The following ZFYVE28 variants were observed in gnomAD, a reference collection of about 807,000 sequenced individuals.
ZFYVE28 encodes zinc finger FYVE-type containing 28, also known as lateral signaling target protein 2 homolog.
In ZFYVE28, 40 loss-of-function variants were observed where a neutral mutation model predicts 82.1. The ratio of observed to expected loss-of-function variants is 0.49; its 90% confidence interval spans 0.38 to 0.63. ZFYVE28 has a LOEUF of 0.63. Ranked by LOEUF, ZFYVE28 falls within the 30% of genes least tolerant of loss-of-function variation. ZFYVE28 has a pLI of 0.00. For synonymous variants in ZFYVE28, 612 were observed against 546.1 expected, an observed-to-expected ratio of 1.12 and a Z score of -1.68; for missense variants, 1,321 against 1,242.1, an observed-to-expected ratio of 1.06 and a Z score of -0.96.
rs1397564010 is a variant in ZFYVE28, at chr4:2,332,757, C to G, written c.701+2948G>C. ...GGGCTGCAGGGCCCCAGTGAGCATC[C>G]CAGAGGGGCGGCCTTAGGAACAGCT... is the stretch of plus-strand genomic sequence containing the variant. On this transcript the variant is annotated intron_variant, in intron 6 of 12. Coordinates refer to ENST00000290974, the MANE Select transcript of ZFYVE28 (RefSeq NM_020972.3). This position sits in a 1 kb window ranked among gnomAD's most constrained non-coding sequence, Gnocchi z 4.7. Among the ~76,000 whole-genome samples, 1 of 152,110 alleles carries G rather than the reference C, an allele frequency of 6.6e-6. No homozygotes were observed. Among genetic ancestry groups the G allele is most frequent in the Non-Finnish European group, 1.5e-5 (1 of 68,002 alleles).
Position 2,305,394 on chromosome 4 carries a change from G to T in ZFYVE28, c.946C>A (p.Pro316Thr), listed in dbSNP as rs61742112. ...LAPALSAPLP[P>T]EGPLSAKAKD... The stretch of plus-strand genomic sequence containing the variant: ...GCCTTAGCTGAGAGTGGCCCCTCAG[G>T]GGGGAGAGGGGCAGAGAGGGCAGGC... Residue 316 changes from proline to threonine, a missense_variant, in exon 8 of 13, where the codon CCT (proline) becomes ACT (threonine). Physicochemically the swap from Pro to Thr is conservative, Grantham distance 38 (BLOSUM62 -1). Around this residue, in one of 2 missense-constraint regions of ZFYVE28, gnomAD observed 978 missense variants for 833.7 expected, o/e 1.17. Transcript: ENST00000290974. 103 of 1,612,742 alleles carry T rather than the reference G, an allele frequency of 6.4e-5. No homozygotes were observed. In the Middle Eastern group the frequency reaches 6.6e-4, roughly 10 times the overall value.
chr4:2,404,418 G>GCAAA lies in ZFYVE28; in HGVS notation c.39+13866_39+13867insTTTG, dbSNP rs1553866971. On this transcript the variant is annotated intron_variant, in intron 1 of 12. Coordinates refer to ENST00000290974, the MANE Select transcript of ZFYVE28 (RefSeq NM_020972.3). ...GACTCGAACACACACGCTCATGCCA[G>GCAAA]TGTCATTCATGACAGCCAAAAATGG... Among the ~76,000 whole-genome samples, 527 of 151,512 alleles carry GCAAA rather than the reference G, an allele frequency of 3.5e-3. 8 individuals carry two copies. The highest frequency in any genetic ancestry group is 0.011 in the African/African-American group (443 of 41,438).
chr4:2,412,788 T>C (rs891075795), intron 1 of ZFYVE28, among the ~76,000 whole-genome samples: 1 of 152,136 alleles, frequency 6.6e-6, no homozygotes, highest in African/African-American at 2.4e-5. Flanking sequence ...TTCTGGGAAT[T>C]CTTGGTGGCT....
At chr4:2,406,326 C>T (rs1578413618) in intron 1 of ZFYVE28, among the ~76,000 whole-genome samples, 1 of 151,336 alleles carries the variant, frequency 6.6e-6, no homozygotes, top group African/African-American at 2.4e-5. Context: ...GAGCCAAGAT[C>T]GTGCCACTAT....
chr4:2,405,250 G>A lies in ZFYVE28; in HGVS notation c.39+13035C>T, dbSNP rs187114512. 6.4e-3 allele frequency among the ~76,000 whole-genome samples: 980 copies of A among 152,258 alleles called. 5 individuals are homozygous for A. The highest frequency in any genetic ancestry group is 0.021 in the African/African-American group (855 of 41,558). On this transcript the variant is annotated intron_variant, in intron 1 of 12. Transcript: ENST00000290974. The stretch of plus-strand genomic sequence containing the variant: ...TCTTCCCCATACTCCAAGCGGCACC[G>A]CGAAGGGAAGATGGGGTGCACCGCC...
intron 1 of ZFYVE28, chr4:2,364,646 G>A (rs146114599): frequency 0.02 from 19,974 of 985,514 alleles, 254 homozygotes; most frequent in Middle Eastern, 0.028. Context: ...TGCAAAGTGG[G>A]CTTAAGGACG....
chr4:2,364,816 G>A (rs1020740532), intron 1 of ZFYVE28: 12 of 985,588 alleles, frequency 1.2e-5, no homozygotes, highest in Admixed American at 6.1e-5. Flanking sequence ...GGGAATGGCG[G>A]GGGCTGTGTT....
intron 8 of ZFYVE28, among the ~76,000 whole-genome samples, chr4:2,279,360 G>T (rs1437253765): frequency 6.6e-6 from 1 of 152,218 alleles, no homozygotes; most frequent in East Asian, 1.9e-4. Context: ...GAACCCAGGA[G>T]GCAGAGGTTG....
Position 2,304,871 on chromosome 4 carries a change from C to T in ZFYVE28, c.1469G>A (p.Gly490Asp), listed in dbSNP as rs967368316. 19 of 1,612,684 alleles carry T rather than the reference C, an allele frequency of 1.2e-5. No individual in the cohort carries two copies. The highest frequency in any genetic ancestry group is 1.7e-5 in the Admixed American group (1 of 60,022). ...SCLDSRLHLD[G>D]WEVGADDAET... ...TGCGTCATCCGCACCCACCTCCCAG[C>T]CGTCCAGGTGCAGCCGCGAGTCCAG... is the stretch of plus-strand genomic sequence containing the variant. The change falls in exon 8 of 13, where the codon GGC becomes GAC. Residue 490 changes from glycine to aspartate, a missense_variant. Gly to Asp is a moderately conservative substitution (Grantham distance 94, BLOSUM62 -1). Coordinates refer to ENST00000290974, the MANE Select transcript of ZFYVE28 (RefSeq NM_020972.3).
At position 2,394,713 on chromosome 4, in the gene ZFYVE28, C is replaced by T. The variant is rs546247023; in HGVS notation, c.39+23572G>A. The stretch of plus-strand genomic sequence containing the variant: ...TCTGCGATCCGATCCTGTGAACAGG[C>T]ACCACTCTGCGCAGCTGCATCGATG... On this transcript the variant is annotated intron_variant, in intron 1 of 12. Transcript: ENST00000290974. This position sits in a 1 kb window ranked among gnomAD's most constrained non-coding sequence, Gnocchi z 4.0. 2.0e-5 allele frequency among the ~76,000 whole-genome samples: 3 copies of T among 152,370 alleles called. No homozygotes were observed. The highest frequency in any genetic ancestry group is 2.1e-4 in the South Asian group (1 of 4,834).
At chr4:2,270,924 C>T in intron 12 of ZFYVE28, 68 bp from the exon 13 acceptor site, 1 of 1,554,284 alleles carries the variant, frequency 6.4e-7, no homozygotes, top group Non-Finnish European at 8.7e-7. Context: ...TCCTCGCCCT[C>T]CCACACACCT....
Position 2,398,959 on chromosome 4 carries a change from T to C in ZFYVE28, c.39+19326A>G, listed in dbSNP as rs369536769. Among the ~76,000 whole-genome samples, 57 of 60,240 alleles carry C rather than the reference T, an allele frequency of 9.5e-4. 1 individual carries two copies. The East Asian group carries it at 0.024, about 25-fold the overall frequency. 39.5% of individuals were successfully genotyped at this position (60,240 alleles called of 152,430 possible). On this transcript the variant is annotated intron_variant, in intron 1 of 12. Transcript: ENST00000290974. ...GGCAAGATCGAGGGCACAAGGGGGG[T>C]GTGAGATCCAGTGCACAAGGTCAGT...
rs552519456 is a variant in ZFYVE28 at position 2,339,323 on chromosome 4, C to T, written c.521+130G>A. On this transcript the variant is annotated intron_variant, in intron 4 of 12. Transcript: ENST00000290974. The surrounding 1 kb of genome is among the most constrained non-coding windows in gnomAD (Gnocchi z 5.0). ...TCCAGGGCTTAACCCCACCCACAGG[C>T]GGCCCTGAACCTGCCTGGCTCCTCC... The T allele has an allele frequency of 1.2e-5, 12 of 1,015,426 alleles. No homozygotes were observed. Among genetic ancestry groups the T allele is most frequent in the South Asian group, 8.0e-5 (5 of 62,304 alleles). The allele number at this position is 1,015,426 out of a possible 1,614,324, so 62.9% of individuals were successfully genotyped here.
chr4:2,414,015 CCAAA>C (rs1173120896), intron 1 of ZFYVE28, among the ~76,000 whole-genome samples: 1 of 152,262 alleles, frequency 6.6e-6, no homozygotes. Context: ...CACTTCGGGA[CCAAA>C]CAGATATATC....
intron 3 of ZFYVE28, among the ~76,000 whole-genome samples, chr4:2,340,565 G>A (rs890739553): frequency 6.6e-5 from 10 of 152,156 alleles, no homozygotes; most frequent in African/African-American, 2.4e-4. Flanking sequence ...GCTGCAGGTG[G>A]GCACAGAGCT....
intron 6 of ZFYVE28, chr4:2,330,801 G>T: frequency 1.5e-5 from 23 of 1,531,574 alleles, no homozygotes; most frequent in South Asian, 3.6e-5. Flanking sequence ...GACCCTGAGC[G>T]AAGGGGACAG....
intron 1 of ZFYVE28, among the ~76,000 whole-genome samples, chr4:2,383,057 T>C (rs1318750724): frequency 6.6e-6 from 1 of 152,148 alleles, no homozygotes; most frequent in Non-Finnish European, 1.5e-5. Flanking sequence ...CTGGGAGATA[T>C]AATTCAAGTT....
chr4:2,277,637 G>A (rs112503121), intron 8 of ZFYVE28, among the ~76,000 whole-genome samples: 1 of 152,038 alleles, frequency 6.6e-6, no homozygotes, highest in African/African-American at 2.4e-5. Flanking sequence ...AACAAAAGAA[G>A]TACAAGAATC....
rs1489936007 is a variant in ZFYVE28 at position 2,335,174 on chromosome 4, T to C, written c.701+531A>G. On this transcript the variant is annotated intron_variant, in intron 6 of 12. Transcript: ENST00000290974. The surrounding 1 kb of genome is among the most constrained non-coding windows in gnomAD (Gnocchi z 5.8). ...CAGACGGCCCCGCTGGCAGGAAAGG[T>C]TCCACACAGGTATTCCATCAGCCAG... is the stretch of plus-strand genomic sequence containing the variant. 6.6e-6 allele frequency among the ~76,000 whole-genome samples: 1 copy of C among 151,528 alleles called. No individual in the cohort carries two copies. Among genetic ancestry groups the C allele is most frequent in the Non-Finnish European group, 1.5e-5 (1 of 67,824 alleles).
Sources: gnomAD v4.1 joint callset for allele counts (sites outside exome capture counted in the v4.1 genomes callset) on GRCh38, gnomAD v4.1.1 for gene constraint, gnomAD v4.1.1 regional missense constraint, Gnocchi (gnomAD v3.1) non-coding constraint, MANE v1.5 for transcripts, NCBI Gene and HGNC (gene_info 2026-07-23, HGNC 2026-07-21) for gene names.